SYCP2: variants seen among roughly 807,000 people sequenced by gnomAD.
The protein encoded by SYCP2 is synaptonemal complex lateral element protein.
Under a neutral mutation model 211.3 loss-of-function variants are expected in SYCP2, and 55 were observed. The observed-to-expected ratio is 0.26, with a 90% CI of 0.21 to 0.33. The LOEUF (loss-of-function observed/expected upper bound fraction) is 0.33. Ranked by LOEUF, SYCP2 falls within the 10% of genes least tolerant of loss-of-function variation. The probability of loss-of-function intolerance (pLI) is 1.00; values close to 1 mark genes in which losing one functional copy is unlikely to be tolerated. For missense variants in SYCP2, 1,731 were observed against 1,752.0 expected (o/e 0.99, Z 0.21); for synonymous variants, 570 against 555.2 (o/e 1.03, Z -0.37).
At chr20:59,879,460 G>A (rs185686493) in intron 31 of SYCP2, among the ~76,000 whole-genome samples, 1 of 151,858 alleles carries the variant, frequency 6.6e-6, no homozygotes, top group Admixed American at 6.6e-5. Flanking sequence ...GAAAGCTGAT[G>A]CCCTTAAAAT....
intron 44 of SYCP2, among the ~76,000 whole-genome samples, 198 bp from the exon 45 acceptor site, chr20:59,864,586 G>A (rs970829692): frequency 3.9e-5 from 6 of 151,976 alleles, no homozygotes; most frequent in African/African-American, 1.4e-4. Context: ...AAGACAATCA[G>A]TTGAGAGAAG....
Position 59,868,539 on chromosome 20 carries a change from T to C in SYCP2, c.3862A>G (p.Ile1288Val). ...TTACTTAGATTATCTTCTATATATA[T>C]TCTTTTGCGACTAAGATGTTGGGTG... ...GPTQHLSRKR[I>V]YIEDNLSNSN... The change falls in exon 38 of 45, where the codon ATA (isoleucine) becomes GTA (valine). Residue 1288 changes from isoleucine (I) to valine (V), a missense_variant. Around this residue, in one of 3 missense-constraint regions of SYCP2, gnomAD observed 1,387 missense variants for 1,351.3 expected, o/e 1.03. Coordinates refer to ENST00000357552, the MANE Select transcript of SYCP2 (RefSeq NM_014258.4). 1 of 1,606,308 alleles carries C rather than the reference T, an allele frequency of 6.2e-7. No individual in the cohort carries two copies. The highest frequency in any genetic ancestry group is 1.1e-5 in the South Asian group (1 of 89,232).
intron 15 of SYCP2, among the ~76,000 whole-genome samples, chr20:59,905,988 A>G (rs2060206495): frequency 6.6e-6 from 1 of 152,170 alleles, no homozygotes; most frequent in Non-Finnish European, 1.5e-5. Flanking sequence ...GATCAATTCT[A>G]TTTATAAACA....
chr20:59,916,172 T>A (rs1456959666), intron 8 of SYCP2, among the ~76,000 whole-genome samples: 99 of 152,306 alleles, frequency 6.5e-4, no homozygotes, highest in African/African-American at 2.3e-3. Flanking sequence ...TTACTTTATT[T>A]TGTTCTTATG....
intron 2 of SYCP2, among the ~76,000 whole-genome samples, chr20:59,926,699 A>G (rs930162410): frequency 6.6e-6 from 1 of 152,144 alleles, no homozygotes; most frequent in Non-Finnish European, 1.5e-5. Context: ...TAAAGCCCAA[A>G]CTTAATATTG....
At chr20:59,873,780 G>T in intron 35 of SYCP2, 76 bp downstream of exon 35, 2 of 1,286,468 alleles carry the variant, frequency 1.6e-6, no homozygotes, top group South Asian at 1.5e-5. Context: ...ATGTGTATCT[G>T]ATTAAGATGA....
At chr20:59,888,336 A>C (rs935543438) in intron 24 of SYCP2, among the ~76,000 whole-genome samples, 1 of 152,080 alleles carries the variant, frequency 6.6e-6, no homozygotes, top group Admixed American at 6.6e-5. Context: ...TAGGTATGCA[A>C]GAATGATTCA....
intron 35 of SYCP2, among the ~76,000 whole-genome samples, chr20:59,871,342 G>C (rs2145613862): frequency 6.6e-6 from 1 of 151,632 alleles, no homozygotes; most frequent in East Asian, 1.9e-4. Flanking sequence ...TAAAACTGTA[G>C]AGAAATGAGC....
intron 24 of SYCP2, among the ~76,000 whole-genome samples, chr20:59,891,332 G>A (rs942641340): frequency 1.1e-4 from 17 of 151,958 alleles, no homozygotes; most frequent in East Asian, 7.7e-4. Context: ...TGATTTACCC[G>A]TAACTGTTAC....
intron 44 of SYCP2, 139 bp from the exon 45 acceptor site, chr20:59,864,527 T>C (rs1359094810): frequency 4.9e-6 from 3 of 612,336 alleles, no homozygotes; most frequent in Non-Finnish European, 8.6e-6. Context: ...TATTGCATTC[T>C]AACAGGTCTA....
intron 12 of SYCP2, 131 bp downstream of exon 12, chr20:59,913,844 T>C: frequency 1.9e-6 from 1 of 534,978 alleles, no homozygotes; most frequent in Non-Finnish European, 3.1e-6. Flanking sequence ...AAATTATCTA[T>C]GCACATTCTA....
intron 8 of SYCP2, among the ~76,000 whole-genome samples, chr20:59,916,153 C>CA (rs1022129286): frequency 6.6e-6 from 1 of 151,702 alleles, no homozygotes; most frequent in African/African-American, 2.4e-5. Flanking sequence ...CTGAGGAAGC[C>CA]AAAAAATGTT....
Position 59,881,491 on chromosome 20 carries a change from A to C in SYCP2, c.2660T>G (p.Ile887Ser). The part of the protein sequence containing the change: ...GADDPIIKLG[I>S]QEFQATAKEA... Reference sequence around the variant, plus strand: ...TTTAGCTGTAGCTTGAAACTCTTGGATCTATATTGTAAATAAACAAAAAAA... The same window carrying C: ...TTTAGCTGTAGCTTGAAACTCTTGGCTCTATATTGTAAATAAACAAAAAAA... Residue 887 changes from isoleucine (I) to serine (S), a missense_variant and splice_region_variant, in exon 29 of 45, where the codon ATC (isoleucine) becomes AGC (serine). This residue lies in a region of SYCP2 where 1,387 missense variants were observed against 1,351.3 expected (regional missense o/e 1.03). Coordinates refer to ENST00000357552, the MANE Select transcript of SYCP2 (RefSeq NM_014258.4). 1 of 1,492,336 alleles carries C rather than the reference A, an allele frequency of 6.7e-7. No individual in the cohort carries two copies. Among genetic ancestry groups the C allele is most frequent in the Non-Finnish European group, 9.0e-7 (1 of 1,105,000 alleles). 92.4% of individuals were successfully genotyped at this position (1,492,336 alleles called of 1,614,324 possible).
chr20:59,883,264 G>A (rs897813180), intron 26 of SYCP2, among the ~76,000 whole-genome samples: 6 of 152,060 alleles, frequency 3.9e-5, no homozygotes, highest in Non-Finnish European at 8.8e-5. Context: ...CAGGAGAATT[G>A]CTTGAACCAG....
In SYCP2 at chr20:59,890,473, A is replaced by G. The variant is rs369941030; in HGVS notation, c.2364+1517T>C. Among the ~76,000 whole-genome samples the G allele has an allele frequency of 5.5e-4, 84 of 152,140 alleles. 1 individual carries two copies. In the South Asian group the frequency reaches 0.017, roughly 30 times the overall value. On this transcript the variant is annotated intron_variant, in intron 24 of 44. Transcript: ENST00000357552. ...GATGATGGGTTGATGGGTGCTGCAA[A>G]CCACCATGGCACATGTATACCTATG...
intron 18 of SYCP2, among the ~76,000 whole-genome samples, chr20:59,897,954 A>G (rs2060042258): frequency 6.6e-6 from 1 of 152,068 alleles, no homozygotes; most frequent in Admixed American, 6.6e-5. Context: ...AAAAACAAAA[A>G]TTAGCCAGGT....
intron 12 of SYCP2, 47 bp from the exon 13 acceptor site, chr20:59,912,465 C>A (rs746419456): frequency 2.9e-6 from 2 of 696,872 alleles, no homozygotes; most frequent in Admixed American, 3.4e-5. Flanking sequence ...GCTTTCACAG[C>A]ATAATCTTGT....
intron 24 of SYCP2, among the ~76,000 whole-genome samples, chr20:59,890,523 T>C (rs1029956890): frequency 1.6e-4 from 25 of 152,050 alleles, no homozygotes; most frequent in African/African-American, 4.8e-4. Context: ...GTTCTGCACA[T>C]GTACCCCAGA....
At chr20:59,890,002 G>A (rs185492887) in intron 24 of SYCP2, among the ~76,000 whole-genome samples, 108 of 152,216 alleles carry the variant, frequency 7.1e-4, no homozygotes, top group Non-Finnish European at 1.3e-3. Flanking sequence ...GATTCCTCAA[G>A]GATCTAGAAC....
Sources: allele counts gnomAD v4.1 joint callset (sites outside exome capture counted in the v4.1 genomes callset), GRCh38; gene constraint gnomAD v4.1.1; regional missense constraint gnomAD v4.1.1; transcripts MANE v1.5; gene names NCBI Gene and HGNC (gene_info 2026-07-23, HGNC 2026-07-21).